THUMPD2: variants seen among roughly 807,000 people sequenced by gnomAD.
THUMPD2 encodes the protein THUMP domain 2 tRNA and snRNA guanosine methyltransferase, also known as U6 snRNA (guanine-N(2))-methyltransferase THUMPD2.
In THUMPD2, 56 loss-of-function variants were observed where a neutral mutation model predicts 49.4. The ratio of observed to expected loss-of-function variants is 1.13; its 90% confidence interval spans 0.91 to 1.41. The LOEUF is 1.41. THUMPD2 is among the 40% of genes most tolerant of loss of function. The pLI, the probability that THUMPD2 is intolerant of heterozygous loss-of-function variation, is 0.00. For synonymous variants in THUMPD2, 237 were observed against 205.2 expected (o/e 1.15, Z -1.32); for missense variants, 709 against 594.5 (o/e 1.19, Z -2.00).
intron 4 of THUMPD2, 144 bp downstream of exon 4, chr2:39,768,280 G>A (rs1677824465): frequency 2.9e-6 from 2 of 691,148 alleles, no homozygotes; most frequent in Non-Finnish European, 2.5e-6. Context: ...CTATTCTACT[G>A]CTAAAGATAA....
At chr2:39,751,496 T>G (rs1019294854) in intron 8 of THUMPD2, among the ~76,000 whole-genome samples, 1 of 152,204 alleles carries the variant, frequency 6.6e-6, no homozygotes, top group Non-Finnish European at 1.5e-5. Flanking sequence ...TTTCTTTTGC[T>G]CAAATCTGTT....
intron 5 of THUMPD2, among the ~76,000 whole-genome samples, chr2:39,763,252 A>T (rs1677066086): frequency 6.6e-6 from 1 of 151,936 alleles, no homozygotes. Flanking sequence ...TGTTACCTGA[A>T]CCCCAGATCT....
At chr2:39,744,645 C>A in intron 8 of THUMPD2, 167 bp from the exon 9 acceptor site, 1 of 464,154 alleles carries the variant, frequency 2.2e-6, no homozygotes, top group Non-Finnish European at 3.8e-6. Flanking sequence ...CTTTCACAAT[C>A]ACTAATGATA....
At position 39,779,100 on chromosome 2, in the gene THUMPD2, C is replaced by G. The variant is rs1457320677; in HGVS notation, c.126+14G>C. The G allele has an allele frequency of 6.7e-7, 1 of 1,499,684 alleles. No individual in the cohort carries two copies. Among genetic ancestry groups the G allele is most frequent in the African/African-American group, 1.5e-5 (1 of 68,888 alleles). The allele number at this position is 1,499,684 out of a possible 1,614,324, so 92.9% of individuals were successfully genotyped here. On this transcript the variant is annotated intron_variant, in intron 1 of 9. Transcript: ENST00000505747. ...GCCGCCCACCTCCCCAGGCGCGCAG[C>G]GAGGCCAACTCACCTGCGTGGCCGC...
intron 8 of THUMPD2, among the ~76,000 whole-genome samples, chr2:39,744,926 T>A (rs939230806): frequency 2.6e-5 from 4 of 152,146 alleles, no homozygotes; most frequent in African/African-American, 9.6e-5. Context: ...AAAAGAGAAT[T>A]TGGAAGGTTA....
intron 3 of THUMPD2, chr2:39,768,784 C>A: frequency 1.2e-6 from 1 of 819,008 alleles, no homozygotes; most frequent in Non-Finnish European, 1.8e-6. Flanking sequence ...AGATTATGAC[C>A]TGATAAATAT....
In THUMPD2 at chr2:39,736,696, C is replaced by T. The variant is rs775946816; in HGVS notation, c.*39G>A. ...CAGCAAACTTCTGCTGTACAGCTAACTTACAAGGGCCTGAACCCGGCTGAT... is the reference window on the plus strand; with the variant it reads ...CAGCAAACTTCTGCTGTACAGCTAATTTACAAGGGCCTGAACCCGGCTGAT... On this transcript the variant is annotated 3_prime_UTR_variant, in exon 10 of 10. Coordinates refer to ENST00000505747, the MANE Select transcript of THUMPD2 (RefSeq NM_025264.5). 3 of 1,565,996 alleles carry T rather than the reference C, an allele frequency of 1.9e-6. No individual in the cohort carries two copies. Among genetic ancestry groups the T allele is most frequent in the Non-Finnish European group, 1.7e-6 (2 of 1,152,932 alleles).
intron 6 of THUMPD2, among the ~76,000 whole-genome samples, chr2:39,757,670 G>A (rs1166709971): frequency 6.6e-6 from 1 of 152,150 alleles, no homozygotes; most frequent in Non-Finnish European, 1.5e-5. Flanking sequence ...GACACTTGTA[G>A]ACACAGGCTG....
Position 39,771,785 on chromosome 2 carries a change from C to A in THUMPD2, c.127-145G>T, listed in dbSNP as rs148137416. On this transcript the variant is annotated intron_variant, in intron 1 of 9. Coordinates refer to ENST00000505747, the MANE Select transcript of THUMPD2 (RefSeq NM_025264.5). The stretch of plus-strand genomic sequence containing the variant: ...TTTGTCAGGCTCTGTACTAGGAACA[C>A]TGAATAAGTATTTTCCTCCTTATCC... 3.6e-6 allele frequency: 3 copies of A among 830,108 alleles called. No individual in the cohort carries two copies. The East Asian group carries it at 8.7e-5, about 24-fold the overall frequency. The allele number at this position is 830,108 out of a possible 1,614,324, so 51.4% of individuals were successfully genotyped here. A position where few individuals can be genotyped will look rare whatever the true frequency, so the allele number is the denominator to read the frequency against.
chr2:39,760,006 G>C (rs1676613223), intron 6 of THUMPD2, among the ~76,000 whole-genome samples: 1 of 152,170 alleles, frequency 6.6e-6, no homozygotes, highest in Non-Finnish European at 1.5e-5. Flanking sequence ...ACCTTGTAAT[G>C]TATCTTAGTG....
chr2:39,779,252 G>C lies in THUMPD2; in HGVS notation c.-13C>G, dbSNP rs1292102926. On this transcript the variant is annotated 5_prime_UTR_variant, in exon 1 of 10. Coordinates refer to ENST00000505747, the MANE Select transcript of THUMPD2 (RefSeq NM_025264.5). ...GCGCCTCCGACATGGCGGCTCAGGC[G>C]CGCCCTCGCGCCTTCGGGTCACGTG... is the stretch of plus-strand genomic sequence containing the variant. The C allele has an allele frequency of 2.0e-6, 3 of 1,476,304 alleles. No individual in the cohort carries two copies. Among genetic ancestry groups the C allele is most frequent in the African/African-American group, 1.5e-5 (1 of 67,730 alleles). 91.5% of individuals were successfully genotyped at this position (1,476,304 alleles called of 1,614,324 possible).
chr2:39,749,253 T>C (rs77802700), intron 8 of THUMPD2, among the ~76,000 whole-genome samples: 3,177 of 152,282 alleles, frequency 0.021, 88 homozygotes, highest in East Asian at 0.075. Context: ...AAAAAAACCC[T>C]ATGAAATTTC....
intron 2 of THUMPD2, 148 bp from the exon 3 acceptor site, chr2:39,770,267 A>G: frequency 1.8e-6 from 1 of 563,164 alleles, no homozygotes; most frequent in Non-Finnish European, 2.8e-6. Context: ...TTTGGAGTTC[A>G]TATTCCATTT....
chr2:39,749,413 G>C (rs994975514), intron 8 of THUMPD2, among the ~76,000 whole-genome samples: 1 of 152,152 alleles, frequency 6.6e-6, no homozygotes, highest in African/African-American at 2.4e-5. Flanking sequence ...AACAGTACCA[G>C]CTTCATTTTG....
chr2:39,776,582 G>C (rs960174226), intron 1 of THUMPD2, among the ~76,000 whole-genome samples: 2 of 151,912 alleles, frequency 1.3e-5, no homozygotes, highest in Admixed American at 6.6e-5. Context: ...GTAGAGACGG[G>C]GTTTCACCAT....
chr2:39,771,425 G>T, intron 2 of THUMPD2, 80 bp downstream of exon 2: 1 of 1,395,464 alleles, frequency 7.2e-7, no homozygotes, highest in Non-Finnish European at 9.6e-7. Flanking sequence ...GTGTAAAATG[G>T]CTACATATTA....
chr2:39,737,572 G>A (rs1373192477), intron 9 of THUMPD2, among the ~76,000 whole-genome samples: 2 of 152,190 alleles, frequency 1.3e-5, no homozygotes, highest in African/African-American at 2.4e-5. Flanking sequence ...CCTGTGTCCC[G>A]TGACATAGCC....
chr2:39,764,946 G>C lies in THUMPD2; in HGVS notation c.803+1111C>G, dbSNP rs183968921. On this transcript the variant is annotated intron_variant, in intron 5 of 9. Coordinates refer to ENST00000505747, the MANE Select transcript of THUMPD2 (RefSeq NM_025264.5). ...ATCAATTATTATTTGAAATGCCATG[G>C]CATGACGTCTTGAATGTTTCTAGCA... Among the ~76,000 whole-genome samples the C allele has an allele frequency of 4.6e-3, 697 of 152,130 alleles. 4 individuals carry two copies. The highest frequency in any genetic ancestry group is 7.0e-3 in the Non-Finnish European group (475 of 68,000).
chr2:39,749,673 G>A (rs542004999), intron 8 of THUMPD2, among the ~76,000 whole-genome samples: 14 of 152,006 alleles, frequency 9.2e-5, no homozygotes, highest in East Asian at 5.8e-4. Flanking sequence ...TGTGTGTACC[G>A]TGGTGGTTTG....
Sources: gnomAD v4.1 joint callset for allele counts (sites outside exome capture counted in the v4.1 genomes callset) on GRCh38, gnomAD v4.1.1 for gene constraint, MANE v1.5 for transcripts, NCBI Gene and HGNC (gene_info 2026-07-23, HGNC 2026-07-21) for gene names.